Variants in TMEM161B observed in about 807,000 individuals in gnomAD.
The protein encoded by TMEM161B is transmembrane protein 161B.
In TMEM161B, 34 loss-of-function variants were observed where a neutral mutation model predicts 61.8. The observed-to-expected ratio is 0.55, with a 90% CI of 0.42 to 0.73. The LOEUF is 0.73. Ranked by LOEUF, TMEM161B falls within the 30% of genes least tolerant of loss-of-function variation. The pLI is 0.00. For synonymous variants in TMEM161B, 167 were observed against 192.8 expected (o/e 0.87, Z 1.11); for missense variants, 456 against 558.5 (o/e 0.82, Z 1.85).
intron 5 of TMEM161B, among the ~76,000 whole-genome samples, chr5:88,218,694 A>G (rs1383631284): frequency 6.6e-6 from 1 of 152,184 alleles, no homozygotes; most frequent in Non-Finnish European, 1.5e-5. Flanking sequence ...TCTCAAAAGA[A>G]AAAGAAAATA....
At chr5:88,223,237 T>TAAA (rs1749342560) in intron 4 of TMEM161B, among the ~76,000 whole-genome samples, 1 of 147,406 alleles carries the variant, frequency 6.8e-6, no homozygotes. Context: ...TCTAATGAGT[T>TAAA]AAGAAAAAAA....
rs770757871 is a variant in TMEM161B at position 88,268,766 on chromosome 5, G to C, written c.-43C>G. On this transcript the variant is annotated 5_prime_UTR_variant, in exon 1 of 12. Transcript: ENST00000296595. The stretch of plus-strand genomic sequence containing the variant: ...GTGGACCAGACACCCTGGAGTTGCC[G>C]GGGCAGTCCCAAACCTCTTACCTCC... The C allele has an allele frequency of 1.9e-6, 3 of 1,613,848 alleles. No individual in the cohort carries two copies. The highest frequency in any genetic ancestry group is 1.1e-5 in the South Asian group (1 of 91,056).
At chr5:88,264,700 A>G (rs1005930505) in intron 1 of TMEM161B, among the ~76,000 whole-genome samples, 3 of 152,226 alleles carry the variant, frequency 2.0e-5, no homozygotes, top group Admixed American at 6.5e-5. Flanking sequence ...ATACACATCA[A>G]TGATAGACTG....
intron 2 of TMEM161B, among the ~76,000 whole-genome samples, chr5:88,229,585 C>T (rs1750641263): frequency 6.6e-6 from 1 of 150,654 alleles, no homozygotes; most frequent in Admixed American, 6.7e-5. Flanking sequence ...TAAATCATTT[C>T]CAAGGCTCCT....
chr5:88,209,614 A>G (rs1746281896), intron 5 of TMEM161B, among the ~76,000 whole-genome samples: 5 of 152,216 alleles, frequency 3.3e-5, no homozygotes, highest in Admixed American at 3.3e-4. Context: ...AATGCCTAAA[A>G]TGGTATAATC....
At chr5:88,259,741 G>A (rs942122512) in intron 1 of TMEM161B, among the ~76,000 whole-genome samples, 8 of 152,190 alleles carry the variant, frequency 5.3e-5, no homozygotes, top group African/African-American at 1.9e-4. Context: ...ATGATTAATT[G>A]CTTGAATACT....
At chr5:88,256,345 C>T (rs1343461299) in intron 1 of TMEM161B, among the ~76,000 whole-genome samples, 1 of 152,120 alleles carries the variant, frequency 6.6e-6, no homozygotes, top group Non-Finnish European at 1.5e-5. Flanking sequence ...CATTACAGTA[C>T]TAAAAAGTAA....
chr5:88,249,607 A>G (rs1754067899), intron 1 of TMEM161B, among the ~76,000 whole-genome samples: 1 of 152,104 alleles, frequency 6.6e-6, no homozygotes, highest in Admixed American at 6.6e-5. Context: ...CCAGAGAAGG[A>G]GTAGAGGAAG....
intron 5 of TMEM161B, 21 bp downstream of exon 5, chr5:88,220,542 T>C (rs773999361): frequency 7.2e-6 from 11 of 1,517,514 alleles, no homozygotes; most frequent in Non-Finnish European, 9.7e-6. Context: ...AAATTAATAT[T>C]AATGATGTTT....
At chr5:88,258,560 G>C (rs1174733038) in intron 1 of TMEM161B, among the ~76,000 whole-genome samples, 1 of 152,064 alleles carries the variant, frequency 6.6e-6, no homozygotes, top group African/African-American at 2.4e-5. Context: ...TCTAGTTATG[G>C]AACACGAATA....
At chr5:88,251,009 AGACTGATTTGAGTGAGAAGC>A (rs887019066) in intron 1 of TMEM161B, 20 of 152,344 alleles carry the variant, frequency 1.3e-4, no homozygotes, top group African/African-American at 4.6e-4. Flanking sequence ...TGACTGAGTG[AGACTGATTTGAGTGAGAAGC>A]GACTGATTTG....
intron 9 of TMEM161B, 176 bp from the exon 10 acceptor site, chr5:88,199,326 C>A: frequency 4.0e-6 from 2 of 499,676 alleles, no homozygotes; most frequent in Non-Finnish European, 6.7e-6. Flanking sequence ...ACTTGAATAA[C>A]AGAACTAGAT....
chr5:88,197,443 AAAC>A (rs1212762078), intron 11 of TMEM161B, among the ~76,000 whole-genome samples: 1 of 152,174 alleles, frequency 6.6e-6, no homozygotes, highest in Non-Finnish European at 1.5e-5. Flanking sequence ...AACCTTTAGT[AAAC>A]AATTCTTGAA....
At chr5:88,216,329 G>T (rs1390706638) in intron 5 of TMEM161B, among the ~76,000 whole-genome samples, 1 of 152,132 alleles carries the variant, frequency 6.6e-6, no homozygotes, top group African/African-American at 2.4e-5. Flanking sequence ...CATATAATCA[G>T]CTCATGCTAA....
At chr5:88,213,553 A>C (rs1012343826) in intron 5 of TMEM161B, among the ~76,000 whole-genome samples, 1 of 117,874 alleles carries the variant, frequency 8.5e-6, no homozygotes, top group Non-Finnish European at 2.0e-5. Flanking sequence ...CCTTTATTTA[A>C]AATACAAAAG....
downstream of TMEM161B, among the ~76,000 whole-genome samples, chr5:88,187,059 A>C (rs767021128): frequency 4.6e-5 from 7 of 152,164 alleles, no homozygotes; most frequent in Non-Finnish European, 7.4e-5. Flanking sequence ...GTGGGGATTG[A>C]GGTTCATTTT....
intron 9 of TMEM161B, chr5:88,202,363 A>G (rs909715066): frequency 4.1e-6 from 1 of 243,008 alleles, no homozygotes; most frequent in African/African-American, 2.3e-5. Flanking sequence ...CTAGTATTAG[A>G]TAATAATATT....
intron 1 of TMEM161B, among the ~76,000 whole-genome samples, chr5:88,257,844 C>A (rs1057168179): frequency 1.3e-5 from 2 of 152,142 alleles, no homozygotes; most frequent in South Asian, 4.1e-4. Context: ...ATCATATTCA[C>A]CTCAATTAGT....
chr5:88,234,101 C>T (rs1229500940), intron 2 of TMEM161B, among the ~76,000 whole-genome samples: 1 of 151,932 alleles, frequency 6.6e-6, no homozygotes, highest in African/African-American at 2.4e-5. Context: ...AGGGCTGTGA[C>T]TTCTTTATTC....
Sources: allele counts gnomAD v4.1 joint callset (sites outside exome capture counted in the v4.1 genomes callset), GRCh38; gene constraint gnomAD v4.1.1; transcripts MANE v1.5; gene names NCBI Gene and HGNC (gene_info 2026-07-23, HGNC 2026-07-21).